PPP1R9B: variants seen among roughly 807,000 people sequenced by gnomAD.
PPP1R9B encodes neurabin-2.
In PPP1R9B, 17 loss-of-function variants were observed where a neutral mutation model predicts 75.8. The observed-to-expected ratio is 0.22, with a 90% CI of 0.15 to 0.34. PPP1R9B has a LOEUF of 0.34. Ranked by LOEUF, PPP1R9B falls within the 10% of genes least tolerant of loss-of-function variation. The pLI is 1.00. For missense variants in PPP1R9B, 875 were observed against 1,196.0 expected (o/e 0.73, Z 3.96); for synonymous variants, 509 against 535.4 (o/e 0.95, Z 0.68).
rs1260153597 is a variant in PPP1R9B at position 50,149,460 on chromosome 17, G to A, written c.1054C>T (p.Pro352Ser). 1.2e-6 allele frequency: 2 copies of A among 1,605,184 alleles called. No individual in the cohort carries two copies. The highest frequency in any genetic ancestry group is 1.7e-6 in the Non-Finnish European group (2 of 1,176,626). Residue 352 changes from proline to serine, a missense_variant, in exon 1 of 10, where the codon CCG becomes TCG. Transcript: ENST00000612501. This position sits in a 1 kb window ranked among gnomAD's most constrained non-coding sequence, Gnocchi z 7.2. The stretch of plus-strand genomic sequence containing the variant: ...GCTACCGCCGCCGCCTCCTTCTCCG[G>A]GGCCGCTTGGGCCTTTGGCTCCTCG... Reference protein sequence around the residue: ...APEEPKAQAAPEKEAAAVAPP... With the variant: ...APEEPKAQAASEKEAAAVAPP...
chr17:50,135,951 A>G lies in PPP1R9B; in HGVS notation c.2303+17T>C. On this transcript the variant is annotated intron_variant, in intron 8 of 9. Transcript: ENST00000612501. ...AATGCTCCCTGGGCCCAGCCCGCCCAGCCCCCAGCCACGTACTTCTGCTGG... is the reference window on the plus strand; with the variant it reads ...AATGCTCCCTGGGCCCAGCCCGCCCGGCCCCCAGCCACGTACTTCTGCTGG... 2.7e-6 allele frequency: 2 copies of G among 734,778 alleles called. No individual in the cohort carries two copies. The highest frequency in any genetic ancestry group is 4.4e-6 in the Non-Finnish European group (2 of 454,338). 45.5% of individuals were successfully genotyped at this position (734,778 alleles called of 1,614,324 possible).
At position 50,147,668 on chromosome 17, in the gene PPP1R9B, G is replaced by T. The variant is rs929548221; in HGVS notation, c.1371+1475C>A. ...AAAATTAGTGGGGGTGGGGTGGGGG[G>T]ATCCAAACTCTGCTTCAGAGTCCCA... On this transcript the variant is annotated intron_variant, in intron 1 of 9. Coordinates refer to ENST00000612501, the MANE Select transcript of PPP1R9B (RefSeq NM_032595.5). 4.3e-4 allele frequency among the ~76,000 whole-genome samples: 65 copies of T among 152,014 alleles called. 1 individual carries two copies. Among genetic ancestry groups the T allele is most frequent in the Non-Finnish European group, 2.8e-4 (19 of 67,978 alleles).
At position 50,136,182 on chromosome 17, in the gene PPP1R9B, G is replaced by T; in HGVS notation, c.2089C>A (p.Gln697Lys). 6.2e-7 allele frequency: 1 copy of T among 1,600,894 alleles called. No individual in the cohort carries two copies. The highest frequency in any genetic ancestry group is 1.1e-5 in the South Asian group (1 of 91,036). ...QLKRKLQSLEQEKGRWRVEKA... is the reference protein window; with the variant it reads ...QLKRKLQSLEKEKGRWRVEKA... ...TCCACCCGCCAGCGCCCCTTCTCCT[G>T]CTCCAGGCTCTGCAGCTGAGAGAGA... The change falls in exon 8 of 10, where the codon CAG becomes AAG. Residue 697 changes from glutamine to lysine, a missense_variant. Around this residue, in one of 4 missense-constraint regions of PPP1R9B, gnomAD observed 218 missense variants for 334.6 expected, o/e 0.65. Coordinates refer to ENST00000612501, the MANE Select transcript of PPP1R9B (RefSeq NM_032595.5).
At position 50,150,175 on chromosome 17, in the gene PPP1R9B, C is replaced by T; in HGVS notation, c.339G>A (p.Leu113=). 1.4e-6 allele frequency: 2 copies of T among 1,454,650 alleles called. No homozygotes were observed. The highest frequency in any genetic ancestry group is 1.8e-6 in the Non-Finnish European group (2 of 1,105,314). The allele number at this position is 1,454,650 out of a possible 1,614,324, so 90.1% of individuals were successfully genotyped here. A position where few individuals can be genotyped will look rare whatever the true frequency, so the allele number is the denominator to read the frequency against. ...ENVDHSALLK[L]GTSVSERVSR... The stretch of plus-strand genomic sequence containing the variant: ...TCACGCGCTCCGACACGCTGGTGCC[C>T]AGCTTCAGCAGGGCGCTGTGGTCCA... The change falls in exon 1 of 10, where the codon CTG becomes CTA. Residue 113 remains leucine, a synonymous_variant. Coordinates refer to ENST00000612501, the MANE Select transcript of PPP1R9B (RefSeq NM_032595.5). The surrounding 1 kb of genome is among the most constrained non-coding windows in gnomAD (Gnocchi z 8.7).
In PPP1R9B at chr17:50,149,275, GTCC is replaced by G; in HGVS notation, c.1236_1238del (p.Glu412del). 6.2e-7 allele frequency: 1 copy of G among 1,612,406 alleles called. No homozygotes were observed. The highest frequency in any genetic ancestry group is 8.5e-7 in the Non-Finnish European group (1 of 1,179,488). On this transcript the variant is annotated inframe_deletion, in exon 1 of 10. Coordinates refer to ENST00000612501, the MANE Select transcript of PPP1R9B (RefSeq NM_032595.5). This position sits in a 1 kb window ranked among gnomAD's most constrained non-coding sequence, Gnocchi z 7.2. ...CCCCATCCTCCTCGTCGTCTTCGTC[GTCC>G]TCCTCCAGGGCACTGCCCGCAGAGT...
Position 50,149,775 on chromosome 17 carries a change from G to T in PPP1R9B, c.739C>A (p.Arg247=). ...GGCGGGGGCTGGAACACCCGGGACC[G>T]CTTGCTGACCAGCTTCGAGTTGACC... ...PQVNSKLVSK[R]SRVFQPPPPP... The change falls in exon 1 of 10, where the codon CGG becomes AGG. Residue 247 remains arginine (R), a synonymous_variant. Coordinates refer to ENST00000612501, the MANE Select transcript of PPP1R9B (RefSeq NM_032595.5). The surrounding 1 kb of genome is among the most constrained non-coding windows in gnomAD (Gnocchi z 7.2). The T allele has an allele frequency of 7.1e-7, 1 of 1,409,766 alleles. No individual in the cohort carries two copies. 87.3% of individuals were successfully genotyped at this position (1,409,766 alleles called of 1,614,324 possible). A position where few individuals can be genotyped will look rare whatever the true frequency, so the allele number is the denominator to read the frequency against.
Position 50,145,253 on chromosome 17 carries a change from G to A in PPP1R9B, c.1372-8C>T. 7 of 1,613,170 alleles carry A rather than the reference G, an allele frequency of 4.3e-6. No homozygotes were observed. Among genetic ancestry groups the A allele is most frequent in the South Asian group, 1.1e-5 (1 of 91,092 alleles). On this transcript the variant is annotated splice_polypyrimidine_tract_variant and splice_region_variant and intron_variant, in intron 1 of 9. Coordinates refer to ENST00000612501, the MANE Select transcript of PPP1R9B (RefSeq NM_032595.5). ...GGAGTAAGTGCTGAACACCTGGGGA[G>A]GGAGGCAGCTGGTCAGAGAGGCCGG...
chr17:50,149,082 G>A lies in PPP1R9B; in HGVS notation c.1371+61C>T. The A allele has an allele frequency of 1.1e-6, 1 of 952,344 alleles. No homozygotes were observed. The highest frequency in any genetic ancestry group is 3.4e-5 in the East Asian group (1 of 29,558). The allele number at this position is 952,344 out of a possible 1,614,324, so 59.0% of individuals were successfully genotyped here. A position where few individuals can be genotyped will look rare whatever the true frequency, so the allele number is the denominator to read the frequency against. On this transcript the variant is annotated intron_variant, in intron 1 of 9. Transcript: ENST00000612501. This position sits in a 1 kb window ranked among gnomAD's most constrained non-coding sequence, Gnocchi z 7.2. ...AAACCCGGCTGGCTGGCTGGCGAGC[G>A]GGGGCGGCCGCGTGCACGTGGCAGG...
In PPP1R9B at chr17:50,139,198, A is replaced by AG; in HGVS notation, c.2073+64dup. 2 of 1,571,728 alleles carry AG rather than the reference A, an allele frequency of 1.3e-6. No homozygotes were observed. On this transcript the variant is annotated intron_variant, in intron 7 of 9. Transcript: ENST00000612501. This position sits in a 1 kb window ranked among gnomAD's most constrained non-coding sequence, Gnocchi z 5.0. ...TGTCAGCATGTGCAGGTGTGAGGGT[A>AG]GGGGGACCCTGCTCCTCAACACACA...
chr17:50,140,054 G>T, intron 5 of PPP1R9B, 39 bp downstream of exon 5: 1 of 1,605,802 alleles, frequency 6.2e-7, no homozygotes, highest in South Asian at 1.1e-5. Context: ...CTAGCCACCA[G>T]GGGGCGACCA....
chr17:50,146,396 C>T (rs1912519203), intron 1 of PPP1R9B, among the ~76,000 whole-genome samples: 1 of 152,152 alleles, frequency 6.6e-6, no homozygotes, highest in Non-Finnish European at 1.5e-5. Flanking sequence ...TTGGCTGAGT[C>T]TGAGCCCCGA....
At chr17:50,143,508 C>T (rs1598247931) in intron 3 of PPP1R9B, 90 bp downstream of exon 3, 4 of 1,502,410 alleles carry the variant, frequency 2.7e-6, no homozygotes, top group East Asian at 2.3e-5. Flanking sequence ...AGGGAAGGCC[C>T]GCCCCACCCC....
chr17:50,139,197 T>C lies in PPP1R9B; in HGVS notation c.2073+66A>G. On this transcript the variant is annotated intron_variant, in intron 7 of 9. Coordinates refer to ENST00000612501, the MANE Select transcript of PPP1R9B (RefSeq NM_032595.5). This position sits in a 1 kb window ranked among gnomAD's most constrained non-coding sequence, Gnocchi z 5.0. The stretch of plus-strand genomic sequence containing the variant: ...GTGTCAGCATGTGCAGGTGTGAGGG[T>C]AGGGGGACCCTGCTCCTCAACACAC... 2 of 1,570,984 alleles carry C rather than the reference T, an allele frequency of 1.3e-6. No homozygotes were observed. The highest frequency in any genetic ancestry group is 1.1e-5 in the South Asian group (1 of 90,192).
chr17:50,135,830 A>G, intron 8 of PPP1R9B, 138 bp downstream of exon 8: 1 of 874,612 alleles, frequency 1.1e-6, no homozygotes, highest in East Asian at 2.6e-5. Flanking sequence ...ATGCCTGGTC[A>G]TTCCGGACCG....
chr17:50,144,975 A>G lies in PPP1R9B; in HGVS notation c.1504+138T>C, dbSNP rs1037275969. The G allele has an allele frequency of 2.7e-6, 3 of 1,115,764 alleles. No individual in the cohort carries two copies. The African/African-American group carries it at 4.7e-5, about 18-fold the overall frequency. 69.1% of individuals were successfully genotyped at this position (1,115,764 alleles called of 1,614,324 possible). A position where few individuals can be genotyped will look rare whatever the true frequency, so the allele number is the denominator to read the frequency against. On this transcript the variant is annotated intron_variant, in intron 2 of 9. Transcript: ENST00000612501. ...TGACAAGGGAGGAGCGGGGAAGGTC[A>G]CCAAGGGCCTGAGTCAGAGGGAGAG...
chr17:50,134,416 G>A lies in PPP1R9B; in HGVS notation c.*915C>T, dbSNP rs994494612. The A allele has an allele frequency of 1.3e-5, 2 of 152,710 alleles. No individual in the cohort carries two copies. Among genetic ancestry groups the A allele is most frequent in the African/African-American group, 4.8e-5 (2 of 41,468 alleles). 9.5% of individuals were successfully genotyped at this position (152,710 alleles called of 1,614,324 possible). A position where few individuals can be genotyped will look rare whatever the true frequency, so the allele number is the denominator to read the frequency against. Reference sequence around the variant, plus strand: ...TGGGCAGACAGGGCAGCACAGGATAGGACCTGACTCTCCAGGGAGAAATGT... The same window carrying A: ...TGGGCAGACAGGGCAGCACAGGATAAGACCTGACTCTCCAGGGAGAAATGT... On this transcript the variant is annotated 3_prime_UTR_variant, in exon 10 of 10. Transcript: ENST00000612501.
chr17:50,140,015 AGTAGAGGCAGATGACT>A, intron 5 of PPP1R9B, 62 bp downstream of exon 5: 1 of 1,494,136 alleles, frequency 6.7e-7, no homozygotes, highest in Non-Finnish European at 9.1e-7. Flanking sequence ...CAGGGGAAGC[AGTAGAGGCAGATGACT>A]GTAATGCTTC....
chr17:50,140,776 C>A (rs559269005), intron 4 of PPP1R9B, among the ~76,000 whole-genome samples: 78 of 152,270 alleles, frequency 5.1e-4, no homozygotes, highest in African/African-American at 1.9e-3. Context: ...TGCAGGGGGG[C>A]AGGGAGTGAT....
intron 1 of PPP1R9B, among the ~76,000 whole-genome samples, chr17:50,148,396 T>C (rs1306278322): frequency 2.0e-5 from 3 of 152,264 alleles, no homozygotes; most frequent in Middle Eastern, 3.4e-3. Flanking sequence ...CCCAGGGGGA[T>C]CCCAGCCCCA....
Sources: allele counts gnomAD v4.1 joint callset (sites outside exome capture counted in the v4.1 genomes callset), GRCh38; gene constraint gnomAD v4.1.1; regional missense constraint gnomAD v4.1.1; non-coding constraint Gnocchi (gnomAD v3.1); transcripts MANE v1.5; gene names NCBI Gene and HGNC (gene_info 2026-07-23, HGNC 2026-07-21).